The following DYM variants were observed in gnomAD, a reference collection of about 807,000 sequenced individuals.
The protein encoded by DYM is dyggve-Melchior-Clausen syndrome protein.
In DYM, 78 loss-of-function variants were observed where a neutral mutation model predicts 93.1. The observed-to-expected ratio is 0.84, with a 90% CI of 0.70 to 1.01. The LOEUF (loss-of-function observed/expected upper bound fraction) is 1.01, where lower values mean the gene tolerates loss of function less well. Ranked by LOEUF, DYM falls within the 50% of genes least tolerant of loss-of-function variation. The pLI, the probability that DYM is intolerant of heterozygous loss-of-function variation, is 0.00. For missense variants in DYM, 789 were observed against 845.0 expected, an observed-to-expected ratio of 0.93 and a Z score of 0.82; for synonymous variants, 321 against 319.7, an observed-to-expected ratio of 1.00 and a Z score of -0.04.
At chr18:49,056,701 G>A (rs2075514678) in intron 17 of DYM, among the ~76,000 whole-genome samples, 1 of 133,640 alleles carries the variant, frequency 7.5e-6, no homozygotes, top group South Asian at 2.6e-4. Context: ...CCACAACTGG[G>A]TAATTTTTTT....
chr18:49,037,061 C>T lies in DYM; in HGVS notation c.*6994G>A, dbSNP rs985484972. ...GGACTACAGATGCCCACCACCACGCCCAGCTAATTTTTGTATTTTTAGTAG... is the reference window on the plus strand; with the variant it reads ...GGACTACAGATGCCCACCACCACGCTCAGCTAATTTTTGTATTTTTAGTAG... On this transcript the variant is annotated 3_prime_UTR_variant, in exon 18 of 18. Coordinates refer to ENST00000675505, the MANE Select transcript of DYM (RefSeq NM_001353214.3). Among the ~76,000 whole-genome samples, 21 of 152,188 alleles carry T rather than the reference C, an allele frequency of 1.4e-4. No individual in the cohort carries two copies. The highest frequency in any genetic ancestry group is 4.3e-4 in the African/African-American group (18 of 41,534).
intron 2 of DYM, among the ~76,000 whole-genome samples, chr18:49,394,596 T>C (rs1754374129): frequency 6.6e-6 from 1 of 152,330 alleles, no homozygotes; most frequent in Middle Eastern, 3.4e-3. Context: ...AGGGATTGCA[T>C]TGAATCTGTA....
chr18:49,123,816 T>A (rs2082581870), intron 15 of DYM, among the ~76,000 whole-genome samples: 1 of 152,230 alleles, frequency 6.6e-6, no homozygotes, highest in African/African-American at 2.4e-5. Flanking sequence ...CTCATTTTGG[T>A]ATTTGAATTA....
rs771205422 is a variant in DYM, at chr18:49,037,295, T to A, written c.*6760A>T. 1.3e-5 allele frequency among the ~76,000 whole-genome samples: 2 copies of A among 152,240 alleles called. No individual in the cohort carries two copies. Among genetic ancestry groups the A allele is most frequent in the Non-Finnish European group, 2.9e-5 (2 of 68,030 alleles). On this transcript the variant is annotated 3_prime_UTR_variant, in exon 18 of 18. Coordinates refer to ENST00000675505, the MANE Select transcript of DYM (RefSeq NM_001353214.3). ...TGGCTTATTTTTGGGTTTCATGTGC[T>A]GTTTTTAAAATTTTTGAGGTAATTG...
rs1370413928 is a variant in DYM at position 49,440,862 on chromosome 18, T to TATAAATAC, written c.-53-10416_-53-10415insGTATTTAT. ...AAATACATTATATTTTATATATTTA[T>TATAAATAC]ATTATATATAATATATATTATATAT... On this transcript the variant is annotated intron_variant, in intron 1 of 17. Coordinates refer to ENST00000675505, the MANE Select transcript of DYM (RefSeq NM_001353214.3). Among the ~76,000 whole-genome samples, 22 of 22,084 alleles carry TATAAATAC rather than the reference T, an allele frequency of 1.0e-3. 3 individuals carry two copies. The highest frequency in any genetic ancestry group is 0.05 in the Middle Eastern group (1 of 20). The allele number at this position is 22,084 out of a possible 152,430, so 14.5% of individuals were successfully genotyped here.
intron 12 of DYM, among the ~76,000 whole-genome samples, chr18:49,257,683 TAA>T (rs34323925): frequency 1.4e-5 from 2 of 146,022 alleles, no homozygotes; most frequent in Non-Finnish European, 1.5e-5. Context: ...TTTGGCTATT[TAA>T]AAAAAAAAAA....
At chr18:49,281,952 T>A (rs1338203835) in intron 10 of DYM, 45 bp downstream of exon 10, 12 of 1,588,166 alleles carry the variant, frequency 7.6e-6, no homozygotes, top group Non-Finnish European at 9.5e-6. Flanking sequence ...TAAAGTATAA[T>A]TAAAAAAAAA....
At chr18:49,117,972 C>G (rs1045297346) in intron 16 of DYM, among the ~76,000 whole-genome samples, 1 of 146,366 alleles carries the variant, frequency 6.8e-6, no homozygotes, top group Admixed American at 6.8e-5. Context: ...GCTGGGATTA[C>G]AGGCATAAGC....
intron 1 of DYM, among the ~76,000 whole-genome samples, chr18:49,441,007 A>AAATATATTATATT (rs1568452382): frequency 3.8e-4 from 1 of 2,644 alleles, no homozygotes; most frequent in Non-Finnish European, 6.9e-4. Context: ...ATATTTATAT[A>AAATATATTATATT]TTATATATTA....
intron 14 of DYM, among the ~76,000 whole-genome samples, chr18:49,190,149 C>A (rs909613663): frequency 1.3e-5 from 2 of 152,170 alleles, no homozygotes; most frequent in Non-Finnish European, 2.9e-5. Context: ...TCTGACTTGA[C>A]CATTTAGGGA....
intron 13 of DYM, among the ~76,000 whole-genome samples, chr18:49,255,716 AAAGT>A (rs2094380486): frequency 3.3e-5 from 5 of 151,420 alleles, no homozygotes; most frequent in Admixed American, 3.3e-4. Flanking sequence ...CATTGCCCCA[AAAGT>A]AAGAATTAAA....
intron 17 of DYM, among the ~76,000 whole-genome samples, chr18:49,051,128 G>A (rs992105722): frequency 1.3e-5 from 2 of 152,226 alleles, no homozygotes; most frequent in South Asian, 2.1e-4. Context: ...AGGGACCTGA[G>A]TGTGCCCTTA....
chr18:49,088,450 T>C (rs2078752631), intron 17 of DYM, among the ~76,000 whole-genome samples: 3 of 151,446 alleles, frequency 2.0e-5, no homozygotes, highest in Admixed American at 1.3e-4. Context: ...TTAGGAGATA[T>C]GCCTAATGTA....
chr18:49,134,981 A>ATG (rs1296095147), intron 15 of DYM, among the ~76,000 whole-genome samples: 16 of 151,880 alleles, frequency 1.1e-4, no homozygotes, highest in African/African-American at 3.9e-4. Context: ...GGTGGCAGAC[A>ATG]CCTGTAATCC....
At chr18:49,069,412 G>A (rs182652920) in intron 17 of DYM, among the ~76,000 whole-genome samples, 3 of 152,186 alleles carry the variant, frequency 2.0e-5, no homozygotes, top group African/African-American at 7.2e-5. Flanking sequence ...GTTTCTCAAG[G>A]GTAGAGATGA....
Position 49,281,994 on chromosome 18 carries a change from T to C in DYM, c.1125+3A>G. 4 of 1,612,958 alleles carry C rather than the reference T, an allele frequency of 2.5e-6. No individual in the cohort carries two copies. The highest frequency in any genetic ancestry group is 3.4e-6 in the Non-Finnish European group (4 of 1,179,238). ...CGCATGGAATGTTTAGTATGATACT[T>C]ACAAGATTTTCCATATCTGTGCGAG... On this transcript the variant is annotated splice_donor_region_variant and intron_variant, in intron 10 of 17. Coordinates refer to ENST00000675505, the MANE Select transcript of DYM (RefSeq NM_001353214.3).
At chr18:49,276,222 T>TA (rs1198722323) in intron 10 of DYM, among the ~76,000 whole-genome samples, 1 of 152,204 alleles carries the variant, frequency 6.6e-6, no homozygotes, top group East Asian at 1.9e-4. Flanking sequence ...AGAAGCCCTT[T>TA]ACTCATCTAA....
intron 14 of DYM, among the ~76,000 whole-genome samples, chr18:49,191,000 T>C (rs1013153499): frequency 1.3e-5 from 2 of 151,874 alleles, no homozygotes; most frequent in Admixed American, 6.6e-5. Context: ...CAGTAGGCTA[T>C]TAGTAGTTAA....
intron 13 of DYM, among the ~76,000 whole-genome samples, chr18:49,210,368 T>C (rs2092722857): frequency 6.6e-6 from 1 of 152,220 alleles, no homozygotes. Context: ...GATGGATTAT[T>C]ATTTAGGGCT....
Sources: gnomAD v4.1 joint callset for allele counts (sites outside exome capture counted in the v4.1 genomes callset) on GRCh38, gnomAD v4.1.1 for gene constraint, MANE v1.5 for transcripts, NCBI Gene and HGNC (gene_info 2026-07-23, HGNC 2026-07-21) for gene names.